TRHDE: variants seen among roughly 807,000 people sequenced by gnomAD.
The protein encoded by TRHDE is thyrotropin releasing hormone degrading enzyme, also known as thyrotropin-releasing hormone-degrading ectoenzyme.
A neutral mutation model predicts 125.7 loss-of-function variants in TRHDE; 72 were observed. The observed-to-expected ratio is 0.57, with a 90% CI of 0.47 to 0.70. The LOEUF is 0.70. Among genes scored for constraint, TRHDE ranks in the 30% least tolerant of loss-of-function variants. The pLI is 0.00. For synonymous variants in TRHDE, 509 were observed against 509.1 expected (o/e 1.00, Z 0.00); for missense variants, 1,110 against 1,327.1 (o/e 0.84, Z 2.54).
intron 2 of TRHDE, among the ~76,000 whole-genome samples, chr12:72,215,297 C>T (rs3928252): frequency 0.13 from 20,189 of 151,776 alleles, 1,440 homozygotes; most frequent in South Asian, 0.25. Context: ...AGGCAAGGAC[C>T]GGCCATTTAC....
At chr12:72,439,708 C>T (rs763844631) in intron 3 of TRHDE, among the ~76,000 whole-genome samples, 1 of 151,760 alleles carries the variant, frequency 6.6e-6, no homozygotes, top group Non-Finnish European at 1.5e-5. Context: ...AATTTGACTT[C>T]TTCCTTTCCT....
chr12:72,593,457 C>T (rs1226413501), intron 12 of TRHDE, among the ~76,000 whole-genome samples: 1 of 151,822 alleles, frequency 6.6e-6, no homozygotes, highest in East Asian at 1.9e-4. Context: ...CATTTATGCT[C>T]ATTGGGACAA....
intron 15 of TRHDE, among the ~76,000 whole-genome samples, chr12:72,635,654 T>A (rs1487051632): frequency 6.6e-6 from 1 of 151,076 alleles, no homozygotes. Flanking sequence ...TTTAAGTCTT[T>A]AATCCATCTT....
intron 2 of TRHDE, among the ~76,000 whole-genome samples, chr12:72,213,119 T>C (rs1294733591): frequency 1.3e-5 from 2 of 152,158 alleles, no homozygotes; most frequent in African/African-American, 4.8e-5. Flanking sequence ...TGATTCCATT[T>C]CTATGAAATG....
chr12:72,402,268 TAAAAAAAAAACCGC>T (rs914803892), intron 3 of TRHDE, among the ~76,000 whole-genome samples: 12 of 146,504 alleles, frequency 8.2e-5, no homozygotes, highest in African/African-American at 3.0e-4. Flanking sequence ...GCTGATGAGC[TAAAAAAAAAACCGC>T]AAAAAAAAAA....
At chr12:72,582,731 C>CTTT in intron 12 of TRHDE, 1 of 605,326 alleles carries the variant, frequency 1.7e-6, no homozygotes, top group Non-Finnish European at 2.1e-6. Flanking sequence ...GCAGACTGGA[C>CTTT]TTTTTGTTTT....
Position 72,562,999 on chromosome 12 carries a change from T to C in TRHDE, c.2001T>C (p.Asp667=), listed in dbSNP as rs200666123. 1.9e-6 allele frequency: 3 copies of C among 1,607,854 alleles called. No individual in the cohort carries two copies. Among genetic ancestry groups the C allele is most frequent in the East Asian group, 2.2e-5 (1 of 44,586 alleles). Residue 667 remains aspartate, a synonymous_variant, in exon 9 of 19, where the codon GAT becomes GAC. Coordinates refer to ENST00000261180, the MANE Select transcript of TRHDE (RefSeq NM_013381.3). ...TTACCCAACAGCATTTTATCTATGA[T>C]ATCAGTGCTAAAACTAAAGCACTTA... is the stretch of plus-strand genomic sequence containing the variant. ...IIITQQHFIY[D]ISAKTKALKL... is the part of the protein sequence containing the mutation.
intron 12 of TRHDE, among the ~76,000 whole-genome samples, chr12:72,588,529 T>G (rs528090295): frequency 6.6e-6 from 1 of 152,136 alleles, no homozygotes; most frequent in African/African-American, 2.4e-5. Context: ...GAATTTGCAG[T>G]TTTTTTCAGA....
At chr12:72,304,584 C>T (rs1868311402) in intron 2 of TRHDE, among the ~76,000 whole-genome samples, 1 of 152,124 alleles carries the variant, frequency 6.6e-6, no homozygotes, top group Non-Finnish European at 1.5e-5. Flanking sequence ...CCTAGTTAAG[C>T]TTTATTTATC....
intron 1 of TRHDE, among the ~76,000 whole-genome samples, chr12:72,101,874 T>A (rs915385180): frequency 6.6e-6 from 1 of 152,328 alleles, no homozygotes; most frequent in East Asian, 1.9e-4. Flanking sequence ...TAAATGCATG[T>A]ATAATTTTTC....
At chr12:72,111,853 C>G (rs1296255854) in intron 2 of TRHDE, among the ~76,000 whole-genome samples, 2 of 152,140 alleles carry the variant, frequency 1.3e-5, no homozygotes, top group Non-Finnish European at 2.9e-5. Context: ...TTTTCTCTCT[C>G]TACATGTGTG....
intron 6 of TRHDE, among the ~76,000 whole-genome samples, chr12:72,503,555 T>C (rs1338689690): frequency 6.6e-6 from 1 of 152,210 alleles, no homozygotes; most frequent in African/African-American, 2.4e-5. Context: ...GACACCTACC[T>C]GAAGTCATCT....
At chr12:72,547,230 A>G (rs1467264836) in intron 7 of TRHDE, among the ~76,000 whole-genome samples, 1 of 151,606 alleles carries the variant, frequency 6.6e-6, no homozygotes, top group East Asian at 1.9e-4. Flanking sequence ...TATTAAGACC[A>G]TATGATACTT....
chr12:72,158,498 A>G (rs562645469), intron 2 of TRHDE, among the ~76,000 whole-genome samples: 1 of 151,812 alleles, frequency 6.6e-6, no homozygotes, highest in Non-Finnish European at 1.5e-5. Flanking sequence ...TTGATTTATT[A>G]GTATTATTTT....
chr12:72,278,566 C>T (rs973531041), intron 1 of TRHDE, among the ~76,000 whole-genome samples: 6 of 152,164 alleles, frequency 3.9e-5, no homozygotes, highest in Admixed American at 3.9e-4. Context: ...TTTTCACCAA[C>T]AGTGTACAAG....
chr12:72,246,299 T>C (rs769842938), intron 2 of TRHDE, among the ~76,000 whole-genome samples: 7 of 152,150 alleles, frequency 4.6e-5, no homozygotes, highest in Non-Finnish European at 8.8e-5. Context: ...TGAATTCTTG[T>C]AGACATTTTA....
chr12:72,655,579 T>C (rs1385263543), intron 17 of TRHDE, among the ~76,000 whole-genome samples: 2 of 152,198 alleles, frequency 1.3e-5, no homozygotes, highest in Non-Finnish European at 2.9e-5. Flanking sequence ...CTCTGAGCAC[T>C]GTGTATAATT....
intron 2 of TRHDE, among the ~76,000 whole-genome samples, chr12:72,160,646 G>A (rs1200003206): frequency 6.6e-6 from 1 of 152,120 alleles, no homozygotes; most frequent in Non-Finnish European, 1.5e-5. Context: ...CCGAGACTGC[G>A]CCACTGCACT....
chr12:72,306,010 A>C (rs1461766788), intron 2 of TRHDE, among the ~76,000 whole-genome samples: 1 of 152,200 alleles, frequency 6.6e-6, no homozygotes, highest in East Asian at 1.9e-4. Flanking sequence ...GCTTACTACC[A>C]GTGAGAAGCA....
Sources: gnomAD v4.1 joint callset for allele counts (sites outside exome capture counted in the v4.1 genomes callset) on GRCh38, gnomAD v4.1.1 for gene constraint, MANE v1.5 for transcripts, NCBI Gene and HGNC (gene_info 2026-07-23, HGNC 2026-07-21) for gene names.